The following MYH2 variants were observed in gnomAD, a reference collection of about 807,000 sequenced individuals.
MYH2 encodes the protein myosin heavy chain 2.
Under a neutral mutation model 228.1 loss-of-function variants are expected in MYH2, and 139 were observed. That is an observed-to-expected ratio of 0.61 (90% CI 0.53 to 0.70). MYH2 has a LOEUF of 0.70. MYH2 is among the 30% of genes least tolerant of loss of function. The pLI, the probability that MYH2 is intolerant of heterozygous loss-of-function variation, is 0.00. For missense variants in MYH2, 1,809 were observed against 2,357.5 expected (o/e 0.77, Z 4.82); for synonymous variants, 796 against 871.1 (o/e 0.91, Z 1.52).
In MYH2 at chr17:10,527,067, A is replaced by T; in HGVS notation, c.3872-11T>A. On this transcript the variant is annotated splice_polypyrimidine_tract_variant and intron_variant, in intron 28 of 39. Coordinates refer to ENST00000245503, the MANE Select transcript of MYH2 (RefSeq NM_017534.6). ...GGCGTGAAAACTCACCTGATGGACA[A>T]AAGAAATGGCACCATTTTTTAGGTG... is the stretch of plus-strand genomic sequence containing the variant. The T allele has an allele frequency of 1.9e-6, 3 of 1,609,282 alleles. No individual in the cohort carries two copies. Among genetic ancestry groups the T allele is most frequent in the Non-Finnish European group, 2.6e-6 (3 of 1,175,590 alleles).
Position 10,531,669 on chromosome 17 carries a change from C to G in MYH2, c.2661G>C (p.Leu887Phe). ...GGAGCTGCAAGTCATTTTTTTCTTT[C>G]AACAGCGTCACCATCTTTTCTTCCA... The part of the protein sequence containing the change: ...KELEEKMVTL[L>F]KEKNDLQLQV... Residue 887 changes from leucine to phenylalanine, a missense_variant, in exon 22 of 40, where the codon TTG (leucine) becomes TTC (phenylalanine). Transcript: ENST00000245503. 6.2e-7 allele frequency: 1 copy of G among 1,614,160 alleles called. No homozygotes were observed. The highest frequency in any genetic ancestry group is 1.1e-5 in the South Asian group (1 of 91,082).
rs896409842 is a variant in MYH2, at chr17:10,540,579, T to C, written c.1008+15A>G. ...ACCCACCATAATAATTCCAATTTTC[T>C]TGTGTTCTACTTACATCTGTGGCCA... On this transcript the variant is annotated intron_variant, in intron 11 of 39. Transcript: ENST00000245503. 1 of 1,577,518 alleles carries C rather than the reference T, an allele frequency of 6.3e-7. No homozygotes were observed. Among genetic ancestry groups the C allele is most frequent in the Non-Finnish European group, 8.7e-7 (1 of 1,146,740 alleles).
intron 3 of MYH2, 36 bp downstream of exon 3, chr17:10,547,681 C>G: frequency 6.2e-7 from 1 of 1,614,076 alleles, no homozygotes; most frequent in Non-Finnish European, 8.5e-7. Flanking sequence ...CAACAAAAAT[C>G]AATAAAATGT....
intron 26 of MYH2, 31 bp from the exon 27 acceptor site, chr17:10,529,110 T>C (rs147207041): frequency 2.5e-6 from 4 of 1,614,072 alleles, no homozygotes; most frequent in Middle Eastern, 1.6e-4. Flanking sequence ...AAACTCAGCT[T>C]CTTTGTGTCA....
At chr17:10,532,024 G>A (rs533692740) in intron 21 of MYH2, 136 bp from the exon 22 acceptor site, 22 of 1,116,570 alleles carry the variant, frequency 2.0e-5, no homozygotes, top group Admixed American at 1.1e-4. Flanking sequence ...ATTCTATTTC[G>A]GGATGATGGT....
At chr17:10,539,637 T>A in intron 12 of MYH2, 75 bp from the exon 13 acceptor site, 1 of 1,418,758 alleles carries the variant, frequency 7.0e-7, no homozygotes, top group Non-Finnish European at 1.0e-6. Context: ...TTTTTTAAAC[T>A]ACAAGTATTT....
At chr17:10,545,898 C>T (rs1274321059) in intron 4 of MYH2, among the ~76,000 whole-genome samples, 2 of 152,112 alleles carry the variant, frequency 1.3e-5, no homozygotes, top group African/African-American at 4.8e-5. Context: ...TAGCAGAATC[C>T]TGAGGGAAGT....
Position 10,535,070 on chromosome 17 carries a change from G to A in MYH2, c.2180+3C>T. The A allele has an allele frequency of 6.2e-7, 1 of 1,613,748 alleles. No homozygotes were observed. The highest frequency in any genetic ancestry group is 8.5e-7 in the Non-Finnish European group (1 of 1,179,684). ...GAATACACCATAATCAGGAGAAACT[G>A]ACCTCTGTTTGAAGTCTGCATAAAG... On this transcript the variant is annotated splice_donor_region_variant and intron_variant, in intron 19 of 39. Transcript: ENST00000245503.
chr17:10,524,582 G>A lies in MYH2; in HGVS notation c.5059C>T (p.Leu1687=). Residue 1687 remains leucine, a synonymous_variant, in exon 35 of 40, where the codon CTG becomes TTG. Coordinates refer to ENST00000245503, the MANE Select transcript of MYH2 (RefSeq NM_017534.6). This position sits in a 1 kb window ranked among gnomAD's most constrained non-coding sequence, Gnocchi z 4.7. The part of the protein sequence containing the change: ...LAMVERRANL[L]QAEIEELRAT... ...CGCAGCTCCTCGATCTCAGCCTGCA[G>A]CAGGTTGGCTCTGCGCTCCACCATG... is the stretch of plus-strand genomic sequence containing the variant. 6.2e-7 allele frequency: 1 copy of A among 1,614,206 alleles called. No individual in the cohort carries two copies. The highest frequency in any genetic ancestry group is 2.2e-5 in the East Asian group (1 of 44,870).
At chr17:10,528,035 TTTTC>T (rs1454654943) in intron 27 of MYH2, among the ~76,000 whole-genome samples, 161 bp from the exon 28 acceptor site, 4 of 134,230 alleles carry the variant, frequency 3.0e-5, no homozygotes, top group Non-Finnish European at 6.4e-5. Flanking sequence ...GCAGAAAAAT[TTTTC>T]TTTCTTTCTT....
intron 22 of MYH2, among the ~76,000 whole-genome samples, chr17:10,530,360 A>C (rs2073410680): frequency 6.6e-6 from 1 of 152,226 alleles, no homozygotes; most frequent in Admixed American, 6.5e-5. Flanking sequence ...TTAGTGACAT[A>C]ACAGATCAGA....
In MYH2 at chr17:10,542,989, T is replaced by A; in HGVS notation, c.806-16A>T. ...TCTAGCAGATCTGGAAGGAAACAAA[T>A]AACACATAAGAAAATTGTAAAAATT... On this transcript the variant is annotated splice_polypyrimidine_tract_variant and intron_variant, in intron 9 of 39. Coordinates refer to ENST00000245503, the MANE Select transcript of MYH2 (RefSeq NM_017534.6). 1.2e-6 allele frequency: 2 copies of A among 1,602,436 alleles called. No homozygotes were observed. Among genetic ancestry groups the A allele is most frequent in the Non-Finnish European group, 8.5e-7 (1 of 1,169,662 alleles).
Position 10,529,564 on chromosome 17 carries a change from A to T in MYH2, c.3117T>A (p.Asp1039Glu). The change falls in exon 24 of 40, where the codon GAT (aspartate) becomes GAA (glutamate). Residue 1039 changes from aspartate to glutamate, a missense_variant and splice_region_variant. Transcript: ENST00000245503. ...ATGTCCTTGATGATACCAGACTTAC[A>T]TCATCCACTTGTTGTTCAAGTTTGA... ...AKIKLEQQVD[D>E]LEGSLEQEKK... 6.2e-7 allele frequency: 1 copy of T among 1,614,206 alleles called. No individual in the cohort carries two copies. Among genetic ancestry groups the T allele is most frequent in the Non-Finnish European group, 8.5e-7 (1 of 1,180,034 alleles).
rs2073385418 is a variant in MYH2, at chr17:10,528,750, A to T, written c.3684T>A (p.Ser1228Arg). Residue 1228 changes from serine (S) to arginine (R), a missense_variant, in exon 27 of 40, where the codon AGT becomes AGA. Ser to Arg is a moderately radical substitution (Grantham distance 110, BLOSUM62 -1). Transcript: ENST00000245503. ...GGTCATCAATCTCCATCTTCATCTC[A>T]CTCTTCTCCTTCTCCAGCTTCTGCT... ...RVKQKLEKEK[S>R]EMKMEIDDLA... is the part of the protein sequence containing the mutation. The T allele has an allele frequency of 6.2e-7, 1 of 1,613,504 alleles. No individual in the cohort carries two copies.
rs1170405370 is a variant in MYH2, at chr17:10,539,447, T to C, written c.1263A>G (p.Glu421=). ...TTAATTTGAATTATGCACCTACCTG[T>C]TCTACAGTCTGGCCTTTGGTGACAT... is the stretch of plus-strand genomic sequence containing the variant. The part of the protein sequence containing the change: ...NEYVTKGQTV[E]QVSNAVGALA... The change falls in exon 13 of 40, where the codon GAA becomes GAG. Residue 421 remains glutamate, a synonymous_variant. Transcript: ENST00000245503. 3.1e-6 allele frequency: 5 copies of C among 1,614,116 alleles called. No homozygotes were observed. Among genetic ancestry groups the C allele is most frequent in the Non-Finnish European group, 4.2e-6 (5 of 1,179,956 alleles).
At chr17:10,539,168 A>G in intron 14 of MYH2, 37 bp downstream of exon 14, 3 of 1,613,744 alleles carry the variant, frequency 1.9e-6, no homozygotes, top group Non-Finnish European at 2.5e-6. Context: ...CCATTGCCTT[A>G]CTGTAAAATC....
chr17:10,536,650 G>A, intron 16 of MYH2, 44 bp from the exon 17 acceptor site: 2 of 1,563,232 alleles, frequency 1.3e-6, no homozygotes, highest in South Asian at 1.1e-5. Context: ...GAATTGGCAG[G>A]GCTACTTCTT....
At position 10,537,724 on chromosome 17, in the gene MYH2, C is replaced by T. The variant is rs772963819; in HGVS notation, c.1528G>A (p.Glu510Lys). Residue 510 changes from glutamate to lysine, a missense_variant, in exon 15 of 40, where the codon GAG becomes AAG. By Grantham distance (56) the Glu-to-Lys change is moderately conservative. Around this residue, in one of 9 missense-constraint regions of MYH2, gnomAD observed 373 missense variants for 620.4 expected, o/e 0.60. Coordinates refer to ENST00000245503, the MANE Select transcript of MYH2 (RefSeq NM_017534.6). This position sits in a 1 kb window ranked among gnomAD's most constrained non-coding sequence, Gnocchi z 4.0. ...EQEEYKKEGI[E>K]WTFIDFGMDL... is the part of the protein sequence containing the mutation. Reference sequence around the variant, plus strand: ...ATCCCGAAGTCGATGAACGTCCACTCGATGCCTTCCTTCTTGTACTCCTCC... The same window carrying T: ...ATCCCGAAGTCGATGAACGTCCACTTGATGCCTTCCTTCTTGTACTCCTCC... The T allele has an allele frequency of 6.2e-6, 10 of 1,614,176 alleles. No individual in the cohort carries two copies. The highest frequency in any genetic ancestry group is 2.7e-5 in the African/African-American group (2 of 75,058).
chr17:10,543,035 T>C, intron 9 of MYH2, 62 bp from the exon 10 acceptor site: 1 of 1,589,100 alleles, frequency 6.3e-7, no homozygotes. Flanking sequence ...GCGAATTTGA[T>C]TTTTGGTCAG....
Sources: gnomAD v4.1 joint callset for allele counts (sites outside exome capture counted in the v4.1 genomes callset) on GRCh38, gnomAD v4.1.1 for gene constraint, gnomAD v4.1.1 regional missense constraint, Gnocchi (gnomAD v3.1) non-coding constraint, MANE v1.5 for transcripts, NCBI Gene and HGNC (gene_info 2026-07-23, HGNC 2026-07-21) for gene names.